Variants in LACTB2 observed in about 807,000 individuals in gnomAD.
LACTB2 encodes the protein endoribonuclease LACTB2.
A neutral mutation model predicts 34.8 loss-of-function variants in LACTB2; 32 were observed. The observed-to-expected ratio is 0.92, with a 90% confidence interval of 0.69 to 1.24. The LOEUF (loss-of-function observed/expected upper bound fraction) is 1.24, where lower values mean the gene tolerates loss of function less well. Among genes scored for constraint, LACTB2 ranks in the 50% most tolerant of loss-of-function variants. LACTB2 has a pLI of 0.00. For synonymous variants in LACTB2, 120 were observed against 117.5 expected (o/e 1.02, Z -0.14); for missense variants, 320 against 345.0 (o/e 0.93, Z 0.57).
intron 1 of LACTB2, among the ~76,000 whole-genome samples, chr8:70,666,493 A>G (rs1049007176): frequency 1.3e-5 from 2 of 152,198 alleles, no homozygotes; most frequent in African/African-American, 2.4e-5. Context: ...CATCTGAGAC[A>G]CTAGAAGGCC....
intron 3 of LACTB2, among the ~76,000 whole-genome samples, chr8:70,649,956 A>G (rs2132073722): frequency 6.6e-6 from 1 of 152,338 alleles, no homozygotes; most frequent in South Asian, 2.1e-4. Flanking sequence ...AGTAATAAGT[A>G]AACCTTTTGA....
chr8:70,659,032 A>C (rs1366527888), intron 2 of LACTB2, among the ~76,000 whole-genome samples: 1 of 152,160 alleles, frequency 6.6e-6, no homozygotes, highest in Admixed American at 6.5e-5. Context: ...GTCTCAAAAA[A>C]ATAAAGCATT....
chr8:70,653,474 C>T (rs939282256), intron 3 of LACTB2, among the ~76,000 whole-genome samples: 20 of 152,150 alleles, frequency 1.3e-4, no homozygotes, highest in African/African-American at 4.1e-4. Context: ...AAAAAGGGGG[C>T]ACCAATTTAA....
Position 70,669,168 on chromosome 8 carries a change from C to G in LACTB2, c.-48G>C, listed in dbSNP as rs752824943. ...CGTGTCGCCTATCTGGATACTCCAG[C>G]GCGGAAGAAGCCAACAGGCCGGGGA... On this transcript the variant is annotated 5_prime_UTR_variant, in exon 1 of 7. Transcript: ENST00000276590. The G allele has an allele frequency of 2.5e-6, 4 of 1,599,082 alleles. No individual in the cohort carries two copies. Among genetic ancestry groups the G allele is most frequent in the African/African-American group, 1.3e-5 (1 of 74,366 alleles).
intron 1 of LACTB2, chr8:70,663,085 G>C (rs1818499466): frequency 6.6e-6 from 1 of 152,168 alleles, no homozygotes; most frequent in African/African-American, 2.4e-5. Context: ...TGAAAAGTCT[G>C]AGTTATTCAT....
chr8:70,657,728 C>G (rs768292202), intron 3 of LACTB2, 28 bp downstream of exon 3: 8 of 1,591,882 alleles, frequency 5.0e-6, no homozygotes, highest in Middle Eastern at 3.4e-4. Flanking sequence ...GACTCTTCAC[C>G]TTCCCTGGCT....
chr8:70,668,775 T>TTTC (rs1818576864), intron 1 of LACTB2, among the ~76,000 whole-genome samples: 1 of 150,550 alleles, frequency 6.6e-6, no homozygotes, highest in Admixed American at 6.7e-5. Context: ...TTTTTTTTTT[T>TTTC]CCATTTCTCC....
Position 70,641,011 on chromosome 8 carries a change from T to G in LACTB2, c.632A>C (p.Gln211Pro). ...PVIHNAEAKIQQYISHRNIRE... is the reference protein window; with the variant it reads ...PVIHNAEAKIPQYISHRNIRE... ...AATATTTCTGTGAGAAATGTATTGT[T>G]GAATTTTAGCTTCAGCATTATGAAT... Residue 211 changes from glutamine to proline, a missense_variant, in exon 5 of 7, where the codon CAA becomes CCA. Gln to Pro is a moderately conservative substitution (Grantham distance 76). Coordinates refer to ENST00000276590, the MANE Select transcript of LACTB2 (RefSeq NM_016027.3). 1 of 1,605,992 alleles carries G rather than the reference T, an allele frequency of 6.2e-7. No individual in the cohort carries two copies. Among genetic ancestry groups the G allele is most frequent in the Non-Finnish European group, 8.5e-7 (1 of 1,177,818 alleles).
intron 1 of LACTB2, among the ~76,000 whole-genome samples, chr8:70,664,120 C>T (rs889349913): frequency 9.2e-5 from 14 of 152,124 alleles, no homozygotes; most frequent in African/African-American, 1.9e-4. Flanking sequence ...CTGCCCCTAA[C>T]GTAGAGTCAC....
chr8:70,656,048 T>C (rs1397707014), intron 3 of LACTB2, among the ~76,000 whole-genome samples: 2 of 152,176 alleles, frequency 1.3e-5, no homozygotes, highest in South Asian at 2.1e-4. Flanking sequence ...GTTTTTTTCT[T>C]ACAGATTTGT....
chr8:70,648,124 T>G (rs1382571908), intron 3 of LACTB2, among the ~76,000 whole-genome samples: 1 of 152,168 alleles, frequency 6.6e-6, no homozygotes, highest in Non-Finnish European at 1.5e-5. Context: ...GTTGGAAAGT[T>G]CCCAACTGAA....
intron 3 of LACTB2, among the ~76,000 whole-genome samples, chr8:70,655,670 A>G (rs1272036074): frequency 1.3e-5 from 2 of 152,234 alleles, no homozygotes; most frequent in East Asian, 3.9e-4. Context: ...GTGTATGCAA[A>G]TATCTTTTTT....
chr8:70,655,659 T>C (rs955323079), intron 3 of LACTB2, among the ~76,000 whole-genome samples: 1 of 152,220 alleles, frequency 6.6e-6, no homozygotes, highest in African/African-American at 2.4e-5. Context: ...GCTATGAACA[T>C]GTGTATGCAA....
chr8:70,637,982 G>A (rs1586780496), intron 6 of LACTB2, 79 bp from the exon 7 acceptor site: 1 of 754,420 alleles, frequency 1.3e-6, no homozygotes, highest in Non-Finnish European at 2.1e-6. Flanking sequence ...CTTGTGGCTA[G>A]AAAAAGCATT....
chr8:70,647,832 C>G (rs1410986915), intron 3 of LACTB2, among the ~76,000 whole-genome samples: 1 of 152,146 alleles, frequency 6.6e-6, no homozygotes, highest in Non-Finnish European at 1.5e-5. Flanking sequence ...TTCAGATCCT[C>G]AAGAGTCTCT....
intron 1 of LACTB2, chr8:70,663,251 A>G (rs1277287989): frequency 6.6e-6 from 1 of 152,236 alleles, no homozygotes; most frequent in East Asian, 1.9e-4. Flanking sequence ...CATACCATAG[A>G]AAGCATTTTG....
At chr8:70,665,026 A>T (rs1366160518) in intron 1 of LACTB2, among the ~76,000 whole-genome samples, 1 of 152,142 alleles carries the variant, frequency 6.6e-6, no homozygotes, top group African/African-American at 2.4e-5. Flanking sequence ...TCAGCTATAC[A>T]TTTGAAAAAA....
At chr8:70,640,388 G>T (rs1180878180) in intron 5 of LACTB2, among the ~76,000 whole-genome samples, 1 of 146,578 alleles carries the variant, frequency 6.8e-6, no homozygotes, top group Non-Finnish European at 1.5e-5. Flanking sequence ...ATTCTCAGAG[G>T]CCAGTGAGGT....
Position 70,655,059 on chromosome 8 carries a change from A to G in LACTB2, c.413+2697T>C, listed in dbSNP as rs1042424861. ...TCCCACCCTTCCCCCCAAGTCCCCA[A>G]AGTCCATTGTATTGTTCTTATGCCT... On this transcript the variant is annotated intron_variant, in intron 3 of 6. Coordinates refer to ENST00000276590, the MANE Select transcript of LACTB2 (RefSeq NM_016027.3). 2.0e-5 allele frequency among the ~76,000 whole-genome samples: 3 copies of G among 151,768 alleles called. No homozygotes were observed. In the East Asian group the frequency reaches 5.8e-4, roughly 29 times the overall value.
Sources: gnomAD v4.1 joint callset for allele counts (sites outside exome capture counted in the v4.1 genomes callset) on GRCh38, gnomAD v4.1.1 for gene constraint, MANE v1.5 for transcripts, NCBI Gene and HGNC (gene_info 2026-07-23, HGNC 2026-07-21) for gene names.